DOCK10: variants seen among roughly 807,000 people sequenced by gnomAD.
DOCK10 encodes dedicator of cytokinesis protein 10.
Under a neutral mutation model 280.1 loss-of-function variants are expected in DOCK10, and 145 were observed. The ratio of observed to expected loss-of-function variants is 0.52; its 90% CI spans 0.45 to 0.59. The LOEUF is 0.59. DOCK10 is among the 20% of genes least tolerant of loss of function. The pLI is 0.00. For missense variants in DOCK10, 2,368 were observed against 2,651.7 expected, an observed-to-expected ratio of 0.89 and a Z score of 2.35; for synonymous variants, 915 against 942.2, an observed-to-expected ratio of 0.97 and a Z score of 0.53.
At chr2:224,846,739 C>T (rs992568223) in intron 19 of DOCK10, among the ~76,000 whole-genome samples, 1 of 152,196 alleles carries the variant, frequency 6.6e-6, no homozygotes, top group Non-Finnish European at 1.5e-5. Flanking sequence ...TTGTGATCCA[C>T]CCGTCTCGGC....
intron 1 of DOCK10, among the ~76,000 whole-genome samples, chr2:224,999,102 T>C (rs1388056034): frequency 6.6e-6 from 1 of 152,008 alleles, no homozygotes; most frequent in African/African-American, 2.4e-5. Flanking sequence ...CAGGAGAATC[T>C]CTTGAACCTA....
At chr2:224,886,976 T>C (rs886301833) in intron 4 of DOCK10, among the ~76,000 whole-genome samples, 1 of 151,520 alleles carries the variant, frequency 6.6e-6, no homozygotes, top group Non-Finnish European at 1.5e-5. Flanking sequence ...TTGGTCAGGC[T>C]GGTCTTGAAC....
At position 224,991,049 on chromosome 2, in the gene DOCK10, T is replaced by G. The variant is rs1706115356; in HGVS notation, c.123+51203A>C. 3.3e-5 allele frequency among the ~76,000 whole-genome samples: 5 copies of G among 152,302 alleles called. No individual in the cohort carries two copies. The South Asian group carries it at 1.0e-3, about 32-fold the overall frequency. On this transcript the variant is annotated intron_variant, in intron 1 of 55. Coordinates refer to ENST00000258390, the MANE Select transcript of DOCK10 (RefSeq NM_014689.3). ...CAGTGACTTTTGACCAGAAGCAATATCATTCTGACCTGCCCTGGTCCAGCC... is the reference window on the plus strand; with the variant it reads ...CAGTGACTTTTGACCAGAAGCAATAGCATTCTGACCTGCCCTGGTCCAGCC...
Position 224,805,943 on chromosome 2 carries a change from A to G in DOCK10, c.3814+183T>C, listed in dbSNP as rs149694674. Among the ~76,000 whole-genome samples the G allele has an allele frequency of 2.9e-3, 440 of 152,310 alleles. 2 individuals carry two copies. The highest frequency in any genetic ancestry group is 4.7e-3 in the Non-Finnish European group (321 of 68,016). On this transcript the variant is annotated intron_variant, in intron 34 of 55. Coordinates refer to ENST00000258390, the MANE Select transcript of DOCK10 (RefSeq NM_014689.3). This position sits in a 1 kb window ranked among gnomAD's most constrained non-coding sequence, Gnocchi z 4.3. ...CAAGTAATACTGAACACTAAGTAGAAGAGGAAGTCACTGGATGGAATTCAA... is the reference window on the plus strand; with the variant it reads ...CAAGTAATACTGAACACTAAGTAGAGGAGGAAGTCACTGGATGGAATTCAA...
In DOCK10 at chr2:224,819,452, G is replaced by C. The variant is rs746989860; in HGVS notation, c.3261C>G (p.Asp1087Glu). The C allele has an allele frequency of 6.2e-7, 1 of 1,603,896 alleles. No homozygotes were observed. Among genetic ancestry groups the C allele is most frequent in the Admixed American group, 1.7e-5 (1 of 58,854 alleles). ...TCCTGTACGTGGTTCTTACCTTAAGGTCACCGGAGGAGAACATGCTGATGT... is the reference window on the plus strand; with the variant it reads ...TCCTGTACGTGGTTCTTACCTTAAGCTCACCGGAGGAGAACATGCTGATGT... ...NNYISMFSSG[D>E]LKTLCQYKFD... Residue 1087 changes from aspartate to glutamate, a missense_variant, in exon 29 of 56, where the codon GAC becomes GAG. Around this residue, in one of 2 missense-constraint regions of DOCK10, gnomAD observed 1,159 missense variants for 1,400.8 expected, o/e 0.83. Transcript: ENST00000258390.
At chr2:225,028,558 G>A (rs1012286246) in intron 1 of DOCK10, among the ~76,000 whole-genome samples, 14 of 152,096 alleles carry the variant, frequency 9.2e-5, no homozygotes, top group African/African-American at 2.7e-4. Flanking sequence ...CTGTTTAAGC[G>A]CTAAGTTTAT....
chr2:224,807,727 T>C lies in DOCK10; in HGVS notation c.3643A>G (p.Asn1215Asp). 1 of 1,574,556 alleles carries C rather than the reference T, an allele frequency of 6.4e-7. No individual in the cohort carries two copies. Among genetic ancestry groups the C allele is most frequent in the Non-Finnish European group, 8.6e-7 (1 of 1,158,462 alleles). Residue 1215 changes from asparagine (N) to aspartate (D), a missense_variant, in exon 33 of 56, where the codon AAT (asparagine) becomes GAT (aspartate). By Grantham distance (23) the Asn-to-Asp change is conservative. Coordinates refer to ENST00000258390, the MANE Select transcript of DOCK10 (RefSeq NM_014689.3). ...YMPLYGMLLDNMPRIYLKDLY... is the reference protein window; with the variant it reads ...YMPLYGMLLDDMPRIYLKDLY... ...TCCTTCAGATAAATCCTTGGCATAT[T>C]GTCCAGGAGCATGCCGTACAGGGGC...
At chr2:224,779,041 T>C (rs1328573887) in intron 50 of DOCK10, among the ~76,000 whole-genome samples, 2 of 150,320 alleles carry the variant, frequency 1.3e-5, no homozygotes, top group African/African-American at 2.5e-5. Flanking sequence ...CCTCTATTAA[T>C]TTATTTGTCT....
intron 25 of DOCK10, among the ~76,000 whole-genome samples, chr2:224,835,479 A>C (rs1199299328): frequency 6.6e-6 from 1 of 152,248 alleles, no homozygotes; most frequent in African/African-American, 2.4e-5. Context: ...AGTTAGCAGC[A>C]TTTAGCACCA....
At chr2:224,813,480 T>C (rs1574865196) in intron 31 of DOCK10, among the ~76,000 whole-genome samples, 1 of 152,198 alleles carries the variant, frequency 6.6e-6, no homozygotes, top group East Asian at 1.9e-4. Flanking sequence ...ACAGGCATGA[T>C]CCACCGCGCC....
At chr2:224,849,277 A>G (rs1696571171) in intron 19 of DOCK10, among the ~76,000 whole-genome samples, 1 of 152,200 alleles carries the variant, frequency 6.6e-6, no homozygotes, top group African/African-American at 2.4e-5. Flanking sequence ...CCCGGCCAGC[A>G]TTCCATTTTT....
intron 31 of DOCK10, among the ~76,000 whole-genome samples, chr2:224,811,757 G>T (rs1693793914): frequency 1.3e-5 from 2 of 151,494 alleles, no homozygotes; most frequent in Non-Finnish European, 3.0e-5. Flanking sequence ...TTTCCCCATT[G>T]CTTGTTTTTC....
chr2:224,895,166 T>C (rs1034924036), intron 4 of DOCK10, among the ~76,000 whole-genome samples: 5 of 152,248 alleles, frequency 3.3e-5, no homozygotes, highest in Non-Finnish European at 5.9e-5. Context: ...GTCACCTTCT[T>C]AAATCTAGTT....
At chr2:225,007,018 G>A (rs2126292425) in intron 1 of DOCK10, among the ~76,000 whole-genome samples, 1 of 152,306 alleles carries the variant, frequency 6.6e-6, no homozygotes, top group Admixed American at 6.5e-5. Context: ...GTCACAAAAT[G>A]TATGAAAGGA....
intron 1 of DOCK10, among the ~76,000 whole-genome samples, chr2:225,035,161 T>A (rs750768095): frequency 1.4e-4 from 22 of 152,122 alleles, no homozygotes; most frequent in Admixed American, 9.2e-4. Flanking sequence ...GGCTCTGACA[T>A]TTCCAATACC....
rs970653412 is a variant in DOCK10, at chr2:224,786,847, G to A, written c.5655+175C>T. Among the ~76,000 whole-genome samples the A allele has an allele frequency of 3.9e-5, 6 of 152,238 alleles. No individual in the cohort carries two copies. Among genetic ancestry groups the A allele is most frequent in the African/African-American group, 1.4e-4 (6 of 41,536 alleles). On this transcript the variant is annotated intron_variant, in intron 50 of 55. Transcript: ENST00000258390. This position sits in a 1 kb window ranked among gnomAD's most constrained non-coding sequence, Gnocchi z 4.7. ...CTTTGCTCACTTGTTTCCCAACTTTGTACATTCCTATGGATAAACATATAG... is the reference window on the plus strand; with the variant it reads ...CTTTGCTCACTTGTTTCCCAACTTTATACATTCCTATGGATAAACATATAG...
chr2:224,798,100 G>A, intron 41 of DOCK10, 131 bp from the exon 42 acceptor site: 4 of 849,420 alleles, frequency 4.7e-6, no homozygotes, highest in Non-Finnish European at 7.2e-6. Context: ...ATTGAACAAG[G>A]AGACACAGTT....
chr2:224,928,008 C>T (rs779457516), intron 2 of DOCK10, among the ~76,000 whole-genome samples: 16 of 152,130 alleles, frequency 1.1e-4, no homozygotes, highest in African/African-American at 2.7e-4. Context: ...ACATTGACTC[C>T]GTGGAGATTG....
intron 11 of DOCK10, among the ~76,000 whole-genome samples, chr2:224,868,460 G>C (rs1698066270): frequency 6.6e-6 from 1 of 152,184 alleles, no homozygotes; most frequent in South Asian, 2.1e-4. Flanking sequence ...TTAAGTTTGA[G>C]TTGATGCCAA....
Sources: gnomAD v4.1 joint callset for allele counts (sites outside exome capture counted in the v4.1 genomes callset) on GRCh38, gnomAD v4.1.1 for gene constraint, gnomAD v4.1.1 regional missense constraint, Gnocchi (gnomAD v3.1) non-coding constraint, MANE v1.5 for transcripts, NCBI Gene and HGNC (gene_info 2026-07-23, HGNC 2026-07-21) for gene names.